The following PCDHGB3 variants were observed in gnomAD, a reference collection of about 807,000 sequenced individuals.
PCDHGB3 encodes protocadherin gamma subfamily B, 3.
In PCDHGB3, 40 loss-of-function variants were observed where a neutral mutation model predicts 59.2. The observed-to-expected ratio is 0.68, with a 90% confidence interval of 0.52 to 0.88. The LOEUF is 0.88. Among genes scored for constraint, PCDHGB3 ranks in the 40% least tolerant of loss-of-function variants. PCDHGB3 has a pLI of 0.00. For synonymous variants in PCDHGB3, 581 were observed against 503.6 expected (o/e 1.15, Z -2.06); for missense variants, 1,309 against 1,187.9 (o/e 1.10, Z -1.50).
At chr5:141,466,296 A>G (rs2099120415) in intron 1 of PCDHGB3, among the ~76,000 whole-genome samples, 1 of 152,136 alleles carries the variant, frequency 6.6e-6, no homozygotes. Flanking sequence ...TCAGGCTCCC[A>G]AGTAGCTGGG....
rs1425295626 is a variant in PCDHGB3 at position 141,477,940 on chromosome 5, C to T, written c.2416-16867C>T. On this transcript the variant is annotated intron_variant, in intron 1 of 3. Coordinates refer to ENST00000576222, the MANE Select transcript of PCDHGB3 (RefSeq NM_018924.5). This position sits in a 1 kb window ranked among gnomAD's most constrained non-coding sequence, Gnocchi z 4.9. ...CAGGGCACAATGCCTGGCTCTCCTA[C>T]AGTCTCTTGGGATCCCCTAACCAGA... The T allele has an allele frequency of 6.2e-7, 1 of 1,614,178 alleles. No homozygotes were observed. Among genetic ancestry groups the T allele is most frequent in the South Asian group, 1.1e-5 (1 of 91,084 alleles).
chr5:141,448,669 G>A (rs553283446), intron 1 of PCDHGB3, among the ~76,000 whole-genome samples: 13 of 152,136 alleles, frequency 8.5e-5, no homozygotes, highest in African/African-American at 7.2e-5. Flanking sequence ...GGCCGGGCGC[G>A]GTGGCTCACG....
At chr5:141,425,457 T>G (rs936918643) in intron 1 of PCDHGB3, among the ~76,000 whole-genome samples, 6 of 152,318 alleles carry the variant, frequency 3.9e-5, no homozygotes, top group Admixed American at 6.5e-5. Flanking sequence ...ACCATCACAT[T>G]TCATGTTATT....
At position 141,389,670 on chromosome 5, in the gene PCDHGB3, T is replaced by A. The variant is rs2091868205; in HGVS notation, c.2415+16861T>A. 3 of 1,612,454 alleles carry A rather than the reference T, an allele frequency of 1.9e-6. No homozygotes were observed. The East Asian group carries it at 6.7e-5, about 36-fold the overall frequency. On this transcript the variant is annotated intron_variant, in intron 1 of 3. Transcript: ENST00000576222. The stretch of plus-strand genomic sequence containing the variant: ...CAAGGTAGTGGCGGTGGACGCAGAC[T>A]CAGGACACAACGCCTGGCTGTCCTA...
chr5:141,478,323 G>A, intron 1 of PCDHGB3: 2 of 1,613,958 alleles, frequency 1.2e-6, no homozygotes, highest in Non-Finnish European at 8.5e-7. Flanking sequence ...TCACTGTACC[G>A]AACACCAGGG....
chr5:141,478,139 G>C, intron 1 of PCDHGB3: 15 of 1,614,040 alleles, frequency 9.3e-6, no homozygotes, highest in Non-Finnish European at 1.3e-5. Context: ...TGAAGCCCGA[G>C]CCGAGTTCCC....
intron 1 of PCDHGB3, among the ~76,000 whole-genome samples, chr5:141,452,137 GT>G (rs2098734666): frequency 6.6e-6 from 1 of 152,044 alleles, no homozygotes; most frequent in Non-Finnish European, 1.5e-5. Flanking sequence ...TGGCTCATGT[GT>G]TTTTTCCAAT....
chr5:141,446,759 G>A (rs983129633), intron 1 of PCDHGB3, among the ~76,000 whole-genome samples: 5 of 152,026 alleles, frequency 3.3e-5, no homozygotes, highest in Admixed American at 1.3e-4. Flanking sequence ...GAGCCACCGC[G>A]CCCAGCCGGT....
chr5:141,399,727 G>A, intron 1 of PCDHGB3: 1 of 1,613,308 alleles, frequency 6.2e-7, no homozygotes, highest in Non-Finnish European at 8.5e-7. Context: ...CCGCGACCAG[G>A]GCTCGCCTGC....
chr5:141,436,089 T>C (rs1001252646), intron 1 of PCDHGB3, among the ~76,000 whole-genome samples: 1 of 152,204 alleles, frequency 6.6e-6, no homozygotes, highest in Non-Finnish European at 1.5e-5. Context: ...ATAGGTAATA[T>C]TGAGAGAAAT....
At chr5:141,414,245 T>A in intron 1 of PCDHGB3, 2 of 1,613,498 alleles carry the variant, frequency 1.2e-6, no homozygotes, top group Non-Finnish European at 1.7e-6. Context: ...ACGTCTCTAT[T>A]TAGTCCAGTG....
At chr5:141,399,822 C>G (rs755182775) in intron 1 of PCDHGB3, 6 of 1,613,084 alleles carry the variant, frequency 3.7e-6, no homozygotes, top group East Asian at 2.2e-5. Context: ...CGCTGGGTCC[C>G]GACGGCTCTG....
chr5:141,374,863 A>C (rs1588752717), intron 1 of PCDHGB3: 1 of 1,613,784 alleles, frequency 6.2e-7, no homozygotes, highest in Non-Finnish European at 8.5e-7. Context: ...TAGGCACACC[A>C]GTGTTGGCAG....
At position 141,486,368 on chromosome 5, in the gene PCDHGB3, T is replaced by C. The variant is rs1217513529; in HGVS notation, c.2416-8439T>C. 6.2e-7 allele frequency: 1 copy of C among 1,614,014 alleles called. No homozygotes were observed. Among genetic ancestry groups the C allele is most frequent in the Non-Finnish European group, 8.5e-7 (1 of 1,180,000 alleles). On this transcript the variant is annotated intron_variant, in intron 1 of 3. Coordinates refer to ENST00000576222, the MANE Select transcript of PCDHGB3 (RefSeq NM_018924.5). This position sits in a 1 kb window ranked among gnomAD's most constrained non-coding sequence, Gnocchi z 5.0. ...TGACCACTTGCCATTTGCCCTCAAGTCTGCCTTCAGGAACCAGTTCTCCCT... is the reference window on the plus strand; with the variant it reads ...TGACCACTTGCCATTTGCCCTCAAGCCTGCCTTCAGGAACCAGTTCTCCCT...
intron 1 of PCDHGB3, chr5:141,422,812 T>C: frequency 6.2e-7 from 1 of 1,614,206 alleles, no homozygotes; most frequent in South Asian, 1.1e-5. Context: ...GTTTCGAGAC[T>C]TAGAACTGAG....
At chr5:141,418,732 G>A (rs747081573) in intron 1 of PCDHGB3, 1 of 1,613,994 alleles carries the variant, frequency 6.2e-7, no homozygotes, top group Non-Finnish European at 8.5e-7. Flanking sequence ...CTCAGCACGT[G>A]TTCTCTCTGG....
At chr5:141,449,818 A>G (rs1446661913) in intron 1 of PCDHGB3, among the ~76,000 whole-genome samples, 2 of 151,708 alleles carry the variant, frequency 1.3e-5, no homozygotes, top group Non-Finnish European at 2.9e-5. Flanking sequence ...GTATTTCCTA[A>G]CAAGGACATT....
rs1561852927 is a variant in PCDHGB3, at chr5:141,431,472, A to G, written c.2415+58663A>G. On this transcript the variant is annotated intron_variant, in intron 1 of 3. Coordinates refer to ENST00000576222, the MANE Select transcript of PCDHGB3 (RefSeq NM_018924.5). The surrounding 1 kb of genome is among the most constrained non-coding windows in gnomAD (Gnocchi z 4.8). The stretch of plus-strand genomic sequence containing the variant: ...GTGATGGTTCTGGATGCGAACGACA[A>G]CGCACCAGCGTTTGCTCAGCCCGAG... 6.2e-7 allele frequency: 1 copy of G among 1,613,784 alleles called. No individual in the cohort carries two copies. The highest frequency in any genetic ancestry group is 8.5e-7 in the Non-Finnish European group (1 of 1,179,948).
rs753872725 is a variant in PCDHGB3, at chr5:141,423,153, C to T, written c.2415+50344C>T. ...TGGACAGAGACGCGCTCAAGCAGAG[C>T]CTCGTGGTGGCCGTCCAGGACCACG... On this transcript the variant is annotated intron_variant, in intron 1 of 3. Transcript: ENST00000576222. The T allele has an allele frequency of 3.7e-6, 6 of 1,613,482 alleles. No homozygotes were observed. The East Asian group carries it at 8.9e-5, about 24-fold the overall frequency.
Sources: gnomAD v4.1 joint callset for allele counts (sites outside exome capture counted in the v4.1 genomes callset) on GRCh38, gnomAD v4.1.1 for gene constraint, Gnocchi (gnomAD v3.1) non-coding constraint, MANE v1.5 for transcripts, NCBI Gene and HGNC (gene_info 2026-07-23, HGNC 2026-07-21) for gene names.